The following CMSS1 variants were observed in gnomAD, a reference collection of about 807,000 sequenced individuals.
CMSS1 encodes cms1 ribosomal small subunit homolog, also known as protein CMSS1.
Under a neutral mutation model 43.5 loss-of-function variants are expected in CMSS1, and 33 were observed. The observed-to-expected ratio is 0.76, with a 90% CI of 0.57 to 1.01. CMSS1 has a LOEUF of 1.01. Among genes scored for constraint, CMSS1 ranks in the 50% least tolerant of loss-of-function variants. The pLI, the probability that CMSS1 is intolerant of heterozygous loss-of-function variation, is 0.00. For synonymous variants in CMSS1, 115 were observed against 117.2 expected (o/e 0.98, Z 0.12); for missense variants, 313 against 326.4 (o/e 0.96, Z 0.32).
intron 1 of CMSS1, among the ~76,000 whole-genome samples, chr3:99,952,652 A>C (rs1404251307): frequency 6.6e-6 from 1 of 152,226 alleles, no homozygotes; most frequent in Middle Eastern, 3.2e-3. Context: ...AGAGAAAGAG[A>C]GCACTGTTCA....
At chr3:99,932,282 G>A (rs1044606462) in intron 1 of CMSS1, among the ~76,000 whole-genome samples, 10 of 151,626 alleles carry the variant, frequency 6.6e-5, no homozygotes, top group African/African-American at 2.4e-4. Context: ...ATATATTGCT[G>A]AACAATGTAT....
At chr3:99,849,683 T>C in intron 1 of CMSS1, 13 of 1,613,532 alleles carry the variant, frequency 8.1e-6, no homozygotes, top group Non-Finnish European at 1.1e-5. Flanking sequence ...TCTCGTTCAT[T>C]AGCATACCTT....
At chr3:100,034,811 TAGG>T (rs1474110517) in intron 1 of CMSS1, among the ~76,000 whole-genome samples, 1 of 152,168 alleles carries the variant, frequency 6.6e-6, no homozygotes, top group Non-Finnish European at 1.5e-5. Context: ...TATGCAGCCT[TAGG>T]AGAATATCCA....
chr3:99,883,739 T>C (rs1186315809), intron 1 of CMSS1, among the ~76,000 whole-genome samples: 3 of 152,180 alleles, frequency 2.0e-5, no homozygotes, highest in African/African-American at 7.2e-5. Context: ...AAAACAATAA[T>C]AGGTGACACA....
chr3:99,849,469 A>G (rs1943548006), intron 1 of CMSS1: 1 of 1,613,814 alleles, frequency 6.2e-7, no homozygotes, highest in Non-Finnish European at 8.5e-7. Flanking sequence ...GAGGTGACAT[A>G]TTAGGTCTTC....
chr3:100,012,275 A>T (rs1710179548), intron 1 of CMSS1, among the ~76,000 whole-genome samples: 1 of 152,142 alleles, frequency 6.6e-6, no homozygotes, highest in Non-Finnish European at 1.5e-5. Context: ...TACTTTGTCA[A>T]CCAATTAGAA....
intron 1 of CMSS1, among the ~76,000 whole-genome samples, chr3:99,992,268 C>G (rs1239983154): frequency 6.6e-6 from 1 of 152,074 alleles, no homozygotes; most frequent in Non-Finnish European, 1.5e-5. Flanking sequence ...AAAGGTTGTA[C>G]TAATTTACAT....
In CMSS1 at chr3:99,955,290, A is replaced by G. The variant is rs142832670; in HGVS notation, c.64+137247A>G. Among the ~76,000 whole-genome samples the G allele has an allele frequency of 7.3e-3, 1,106 of 152,322 alleles. 19 individuals carry two copies. The highest frequency in any genetic ancestry group is 0.025 in the African/African-American group (1,019 of 41,560). Reference sequence around the variant, plus strand: ...TTAGCAAAACTTAGTAAAGACTTTGATTTTCAGAGTTGTAAATGACAAGGA... The same window carrying G: ...TTAGCAAAACTTAGTAAAGACTTTGGTTTTCAGAGTTGTAAATGACAAGGA... On this transcript the variant is annotated intron_variant, in intron 1 of 9. Coordinates refer to ENST00000421999, the MANE Select transcript of CMSS1 (RefSeq NM_032359.4).
chr3:100,109,908 C>A (rs948635099), intron 1 of CMSS1: 9 of 120,862 alleles, frequency 7.4e-5, no homozygotes, highest in East Asian at 3.0e-4. Context: ...TTATGACCCC[C>A]CCCCCCCAGC....
intron 1 of CMSS1, among the ~76,000 whole-genome samples, chr3:99,887,963 C>G (rs572527450): frequency 1.3e-5 from 2 of 152,200 alleles, no homozygotes; most frequent in Admixed American, 1.3e-4. Flanking sequence ...TCATCTTGAA[C>G]TCCTGGGAAG....
chr3:99,868,237 G>GC (rs1213957943), intron 1 of CMSS1, among the ~76,000 whole-genome samples: 7 of 152,184 alleles, frequency 4.6e-5, no homozygotes. Flanking sequence ...AGGAGGGACT[G>GC]CCTTGTAGCA....
chr3:100,172,155 T>C (rs2067115418), intron 7 of CMSS1, 161 bp from the exon 8 acceptor site: 1 of 663,906 alleles, frequency 1.5e-6, no homozygotes, highest in Middle Eastern at 2.8e-4. Flanking sequence ...TTACCAGTTT[T>C]CTAGGGATAT....
At position 100,162,349 on chromosome 3, in the gene CMSS1, TACCTGAAG is replaced by T; in HGVS notation, c.277_284del (p.Glu93ThrfsTer9). The T allele has an allele frequency of 1.2e-6, 2 of 1,613,492 alleles. No homozygotes were observed. Among genetic ancestry groups the T allele is most frequent in the Non-Finnish European group, 8.5e-7 (1 of 1,179,586 alleles). On this transcript the variant is annotated frameshift_variant, in exon 4 of 10. Coordinates refer to ENST00000421999, the MANE Select transcript of CMSS1 (RefSeq NM_032359.4). LOFTEE classifies it high-confidence loss of function. The stretch of plus-strand genomic sequence containing the variant: ...GCAAAATCAGAACCAAAACCAGGGT[TACCTGAAG>T]ACCTACAGAAGCTGATGAAGGACTA...
intron 1 of CMSS1, among the ~76,000 whole-genome samples, chr3:100,002,417 T>C (rs1709868717): frequency 6.6e-6 from 1 of 152,146 alleles, no homozygotes; most frequent in East Asian, 1.9e-4. Context: ...CTCTATAATC[T>C]CAGGAGTGAA....
At chr3:99,942,150 C>T (rs1035182369) in intron 1 of CMSS1, among the ~76,000 whole-genome samples, 14 of 150,738 alleles carry the variant, frequency 9.3e-5, no homozygotes, top group African/African-American at 9.8e-5. Flanking sequence ...TGTAGTGAGC[C>T]GAGATCGTGC....
At chr3:100,037,639 A>G (rs1467223804) in intron 1 of CMSS1, among the ~76,000 whole-genome samples, 5 of 152,230 alleles carry the variant, frequency 3.3e-5, no homozygotes, top group African/African-American at 1.2e-4. Flanking sequence ...TAACATAGAA[A>G]TAGTGTCCCA....
chr3:100,030,178 G>A (rs1008440761), intron 1 of CMSS1, among the ~76,000 whole-genome samples: 2 of 152,116 alleles, frequency 1.3e-5, no homozygotes, highest in African/African-American at 2.4e-5. Flanking sequence ...TTGGAATTTG[G>A]AACTCCTATT....
chr3:99,842,158 A>G (rs1220678326), intron 1 of CMSS1, among the ~76,000 whole-genome samples: 1 of 152,214 alleles, frequency 6.6e-6, no homozygotes, highest in East Asian at 1.9e-4. Context: ...CGGCCATGAA[A>G]AGGAATGAAA....
intron 1 of CMSS1, among the ~76,000 whole-genome samples, chr3:99,911,590 A>G (rs1706790900): frequency 6.6e-6 from 1 of 152,074 alleles, no homozygotes; most frequent in Admixed American, 6.6e-5. Flanking sequence ...CCATAAATTT[A>G]TCTTTTTAAT....
Sources: gnomAD v4.1 joint callset for allele counts (sites outside exome capture counted in the v4.1 genomes callset) on GRCh38, gnomAD v4.1.1 for gene constraint, MANE v1.5 for transcripts, NCBI Gene and HGNC (gene_info 2026-07-23, HGNC 2026-07-21) for gene names.